SFSWAP: variants seen among roughly 807,000 people sequenced by gnomAD.
SFSWAP encodes splicing factor SWAP.
Under a neutral mutation model 100.7 loss-of-function variants are expected in SFSWAP, and 17 were observed. The observed-to-expected ratio is 0.17, with a 90% CI of 0.12 to 0.25. SFSWAP has a LOEUF of 0.25. Among genes scored for constraint, SFSWAP ranks in the 10% least tolerant of loss-of-function variants. SFSWAP has a pLI of 1.00. For missense variants in SFSWAP, 1,005 were observed against 1,262.6 expected, an observed-to-expected ratio of 0.80 and a Z score of 3.09; for synonymous variants, 504 against 510.1, an observed-to-expected ratio of 0.99 and a Z score of 0.16.
rs1046270498 is a variant in SFSWAP at position 131,711,531 on chromosome 12, C to G, written c.218+84C>G. 4.2e-6 allele frequency: 5 copies of G among 1,198,264 alleles called. No individual in the cohort carries two copies. In the African/African-American group the frequency reaches 7.4e-5, roughly 18 times the overall value. 74.2% of individuals were successfully genotyped at this position (1,198,264 alleles called of 1,614,324 possible). A position where few individuals can be genotyped will look rare whatever the true frequency, so the allele number is the denominator to read the frequency against. On this transcript the variant is annotated intron_variant, in intron 1 of 17. Transcript: ENST00000261674. The surrounding 1 kb of genome is among the most constrained non-coding windows in gnomAD (Gnocchi z 4.9). Reference sequence around the variant, plus strand: ...GATGTTGACTTGACTGCAAGGACTGCAGAGAGTTTTCTGGAGCCAGCGGGG... The same window carrying G: ...GATGTTGACTTGACTGCAAGGACTGGAGAGAGTTTTCTGGAGCCAGCGGGG...
intron 7 of SFSWAP, among the ~76,000 whole-genome samples, chr12:131,747,040 C>T (rs181353572): frequency 6.8e-6 from 1 of 147,428 alleles, no homozygotes; most frequent in East Asian, 2.0e-4. Flanking sequence ...GGAGGCAGAG[C>T]TTGCAGTGAG....
Position 131,799,045 on chromosome 12 carries a change from C to CT in SFSWAP, c.2727dup (p.Gln910SerfsTer82). The CT allele has an allele frequency of 6.2e-7, 1 of 1,613,634 alleles. No homozygotes were observed. The highest frequency in any genetic ancestry group is 8.5e-7 in the Non-Finnish European group (1 of 1,179,524). Reference sequence around the variant, plus strand: ...CTCTCTCTCTGCATTAGGGGAGTCTCTCAGGAAAAAGAAGCCCAGATCTCT... The same window carrying CT: ...CTCTCTCTCTGCATTAGGGGAGTCTCTTCAGGAAAAAGAAGCCCAGATCTCT... On this transcript the variant is annotated frameshift_variant, in exon 17 of 18. Transcript: ENST00000261674.
Position 131,725,459 on chromosome 12 carries a change from A to G in SFSWAP, c.661A>G (p.Arg221Gly), listed in dbSNP as rs747983999. 7 of 1,614,204 alleles carry G rather than the reference A, an allele frequency of 4.3e-6. No individual in the cohort carries two copies. Among genetic ancestry groups the G allele is most frequent in the Non-Finnish European group, 5.9e-6 (7 of 1,180,044 alleles). The change falls in exon 5 of 18, where the codon AGG becomes GGG. Residue 221 changes from arginine (R) to glycine (G), a missense_variant. Transcript: ENST00000261674. The surrounding 1 kb of genome is among the most constrained non-coding windows in gnomAD (Gnocchi z 4.3). ...CGAGCGCACGGCCAGCTTCGTGTGC[A>G]GGCAGGGAGCACAGTTTGAGATCAT... The part of the protein sequence containing the change: ...IIERTASFVC[R>G]QGAQFEIMLK...
At position 131,725,212 on chromosome 12, in the gene SFSWAP, A is replaced by G. The variant is rs1367798422; in HGVS notation, c.607-193A>G. On this transcript the variant is annotated intron_variant, in intron 4 of 17. Transcript: ENST00000261674. The surrounding 1 kb of genome is among the most constrained non-coding windows in gnomAD (Gnocchi z 4.3). ...GTGGAGTGGCCTGCCTCAGCTGGCG[A>G]GCTTTCTCCCCTGCAAAATCCTGTC... 6.6e-6 allele frequency among the ~76,000 whole-genome samples: 1 copy of G among 152,204 alleles called. No individual in the cohort carries two copies. The highest frequency in any genetic ancestry group is 1.5e-5 in the Non-Finnish European group (1 of 68,026).
chr12:131,770,752 A>G (rs1883519969), intron 13 of SFSWAP, among the ~76,000 whole-genome samples: 1 of 152,168 alleles, frequency 6.6e-6, no homozygotes, highest in Non-Finnish European at 1.5e-5. Flanking sequence ...GCTGGCATTA[A>G]GTATATTCAC....
At chr12:131,787,663 A>G (rs924108562) in intron 15 of SFSWAP, among the ~76,000 whole-genome samples, 3 of 152,086 alleles carry the variant, frequency 2.0e-5, no homozygotes, top group Non-Finnish European at 4.4e-5. Context: ...CCAGAGGACG[A>G]GCCTTACATT....
intron 15 of SFSWAP, among the ~76,000 whole-genome samples, chr12:131,787,890 C>T (rs1885008215): frequency 6.6e-6 from 1 of 152,184 alleles, no homozygotes; most frequent in South Asian, 2.1e-4. Flanking sequence ...GAAAAATTAG[C>T]AAAGGAACTA....
At chr12:131,775,567 T>G (rs972530191) in intron 13 of SFSWAP, among the ~76,000 whole-genome samples, 2 of 152,328 alleles carry the variant, frequency 1.3e-5, no homozygotes, top group East Asian at 3.9e-4. Flanking sequence ...CTTTGCTCTT[T>G]GCAGAATGGA....
chr12:131,792,282 C>A (rs1364362413), intron 15 of SFSWAP, among the ~76,000 whole-genome samples: 3 of 149,468 alleles, frequency 2.0e-5, no homozygotes, highest in Admixed American at 2.0e-4. Flanking sequence ...TGTGTGTATT[C>A]ACAGATCAGT....
rs1172153953 is a variant in SFSWAP at position 131,730,633 on chromosome 12, C to T, written c.1081+2205C>T. On this transcript the variant is annotated intron_variant, in intron 7 of 17. Transcript: ENST00000261674. The surrounding 1 kb of genome is among the most constrained non-coding windows in gnomAD (Gnocchi z 4.0). Reference sequence around the variant, plus strand: ...ACATTCCCAAGGGTTCACCGCAGGGCGGCCAGAGCCCACACACTTTGGTTT... The same window carrying T: ...ACATTCCCAAGGGTTCACCGCAGGGTGGCCAGAGCCCACACACTTTGGTTT... Among the ~76,000 whole-genome samples, 3 of 152,156 alleles carry T rather than the reference C, an allele frequency of 2.0e-5. No individual in the cohort carries two copies. The highest frequency in any genetic ancestry group is 2.9e-5 in the Non-Finnish European group (2 of 68,028).
At chr12:131,768,791 A>C (rs1374186229) in intron 13 of SFSWAP, among the ~76,000 whole-genome samples, 2 of 152,170 alleles carry the variant, frequency 1.3e-5, no homozygotes, top group Non-Finnish European at 2.9e-5. Flanking sequence ...CACTTCAGCC[A>C]GTTATGGCCG....
chr12:131,788,514 T>G (rs549671323), intron 15 of SFSWAP, among the ~76,000 whole-genome samples: 62 of 152,158 alleles, frequency 4.1e-4, no homozygotes, highest in African/African-American at 1.5e-3. Flanking sequence ...GGTTTGGTTT[T>G]GTTTTCTTTT....
intron 4 of SFSWAP, among the ~76,000 whole-genome samples, chr12:131,722,253 G>A (rs937662579): frequency 6.6e-6 from 1 of 152,184 alleles, no homozygotes; most frequent in African/African-American, 2.4e-5. Context: ...TGAAGAGTAA[G>A]AAGTAGTTAG....
At chr12:131,720,355 T>G in intron 4 of SFSWAP, among the ~76,000 whole-genome samples, 1 of 152,198 alleles carries the variant, frequency 6.6e-6, no homozygotes, top group East Asian at 1.9e-4. Flanking sequence ...GGCTAATAAA[T>G]AGCAACTGGG....
rs1566067621 is a variant in SFSWAP at position 131,799,195 on chromosome 12, C to T, written c.2790+86C>T. ...TGTTGCTAATTTTCATTCCCTGTCC[C>T]TCCTGTCCCTGTCATGGGACAGGGA... On this transcript the variant is annotated intron_variant, in intron 17 of 17. Coordinates refer to ENST00000261674, the MANE Select transcript of SFSWAP (RefSeq NM_004592.4). The T allele has an allele frequency of 1.5e-5, 17 of 1,167,228 alleles. No individual in the cohort carries two copies. The East Asian group carries it at 1.9e-4, about 13-fold the overall frequency. The allele number at this position is 1,167,228 out of a possible 1,614,324, so 72.3% of individuals were successfully genotyped here.
chr12:131,763,636 CA>C lies in SFSWAP; in HGVS notation c.1721-819del, dbSNP rs375115665. Among the ~76,000 whole-genome samples the C allele has an allele frequency of 5.0e-4, 76 of 152,234 alleles. No homozygotes were observed. In the East Asian group the frequency reaches 0.014, roughly 27 times the overall value. On this transcript the variant is annotated intron_variant, in intron 11 of 17. Coordinates refer to ENST00000261674, the MANE Select transcript of SFSWAP (RefSeq NM_004592.4). ...CTTACAGGTGTGGAAAATGGTCTAACATAATGCCTGTCACAAAGTAGGTAAA... is the reference window on the plus strand; with the variant it reads ...CTTACAGGTGTGGAAAATGGTCTAACTAATGCCTGTCACAAAGTAGGTAAA...
intron 10 of SFSWAP, among the ~76,000 whole-genome samples, chr12:131,755,976 C>T (rs1336903009): frequency 2.6e-4 from 40 of 152,356 alleles, no homozygotes; most frequent in African/African-American, 2.4e-5. Context: ...TGCTTTTTGT[C>T]CTACAGCCCC....
At chr12:131,791,687 G>GGTTGCAGTGAGCCAAGATTGC (rs1292004227) in intron 15 of SFSWAP, among the ~76,000 whole-genome samples, 1 of 152,230 alleles carries the variant, frequency 6.6e-6, no homozygotes, top group African/African-American at 2.4e-5. Context: ...GGGAGGCGGA[G>GGTTGCAGTGAGCCAAGATTGC]GTTGCAGTGA....
At chr12:131,767,858 G>C (rs562776686) in intron 13 of SFSWAP, among the ~76,000 whole-genome samples, 2 of 152,246 alleles carry the variant, frequency 1.3e-5, no homozygotes, top group Admixed American at 6.5e-5. Context: ...AGGGAGGAGG[G>C]TGAAGATCAA....
Sources: allele counts gnomAD v4.1 joint callset (sites outside exome capture counted in the v4.1 genomes callset), GRCh38; gene constraint gnomAD v4.1.1; non-coding constraint Gnocchi (gnomAD v3.1); transcripts MANE v1.5; gene names NCBI Gene and HGNC (gene_info 2026-07-23, HGNC 2026-07-21).